Variants in DUS2 observed in about 807,000 individuals in gnomAD.
The protein encoded by DUS2 is dihydrouridine synthase 2.
Under a neutral mutation model 71.3 loss-of-function variants are expected in DUS2, and 52 were observed. That is an observed-to-expected ratio of 0.73 (90% CI 0.58 to 0.92). The LOEUF is 0.92. DUS2 is among the 40% of genes least tolerant of loss of function. The probability of loss-of-function intolerance (pLI) is 0.00; values close to 1 mark genes in which losing one functional copy is unlikely to be tolerated. For synonymous variants in DUS2, 204 were observed against 227.8 expected (o/e 0.90, Z 0.94); for missense variants, 558 against 622.6 (o/e 0.90, Z 1.10).
At chr16:68,048,373 C>T (rs1428736752) in intron 3 of DUS2, among the ~76,000 whole-genome samples, 1 of 152,158 alleles carries the variant, frequency 6.6e-6, no homozygotes, top group Non-Finnish European at 1.5e-5. Context: ...TTGCCTTCCC[C>T]TGCAACTAGG....
intron 3 of DUS2, among the ~76,000 whole-genome samples, chr16:68,040,032 G>A (rs1273374997): frequency 1.3e-5 from 2 of 152,094 alleles, no homozygotes; most frequent in Admixed American, 6.6e-5. Context: ...TTCATTTGGG[G>A]GATTTGGCGT....
At chr16:68,029,505 G>C (rs2033406629) in intron 2 of DUS2, among the ~76,000 whole-genome samples, 2 of 151,928 alleles carry the variant, frequency 1.3e-5, no homozygotes, top group Non-Finnish European at 2.9e-5. Context: ...GGAGTGCAGT[G>C]ATACGATCTT....
At chr16:68,047,539 A>G (rs1046024342) in intron 3 of DUS2, among the ~76,000 whole-genome samples, 1 of 150,248 alleles carries the variant, frequency 6.7e-6, no homozygotes, top group Non-Finnish European at 1.5e-5. Context: ...TCTGGAGTGC[A>G]ATGGCGCAAT....
intron 3 of DUS2, 119 bp from the exon 4 acceptor site, chr16:68,049,386 G>C: frequency 2.0e-6 from 2 of 1,008,946 alleles, no homozygotes; most frequent in Non-Finnish European, 3.1e-6. Context: ...AAAAGCCGTG[G>C]TTTGTTCTTG....
chr16:68,053,240 C>T (rs1259767447), intron 4 of DUS2, among the ~76,000 whole-genome samples: 2 of 152,200 alleles, frequency 1.3e-5, no homozygotes, highest in African/African-American at 2.4e-5. Context: ...GGATTACAGG[C>T]GTAAGCCACC....
intron 12 of DUS2, among the ~76,000 whole-genome samples, chr16:68,072,810 G>A (rs1484372497): frequency 1.3e-5 from 2 of 152,196 alleles, no homozygotes; most frequent in Admixed American, 1.3e-4. Flanking sequence ...GGTGTCCCAG[G>A]CAGTCAGTCA....
At position 68,078,501 on chromosome 16, in the gene DUS2, G is replaced by T; in HGVS notation, c.1227G>T (p.Lys409Asn). ...CTATTGTCACCGTTGCTGAACAAAAGTATCAGTCTACCTTGTGGTAAGTTT... is the reference window on the plus strand; with the variant it reads ...CTATTGTCACCGTTGCTGAACAAAATTATCAGTCTACCTTGTGGTAAGTTT... ...FSSIVTVAEQ[K>N]YQSTLWDKSK... is the part of the protein sequence containing the mutation. The change falls in exon 16 of 17, where the codon AAG becomes AAT. Residue 409 changes from lysine (K) to asparagine (N), a missense_variant. Coordinates refer to ENST00000565263, the MANE Select transcript of DUS2 (RefSeq NM_017803.5). The T allele has an allele frequency of 6.2e-7, 1 of 1,614,084 alleles. No individual in the cohort carries two copies. The highest frequency in any genetic ancestry group is 8.5e-7 in the Non-Finnish European group (1 of 1,180,036).
intron 5 of DUS2, chr16:68,053,868 T>G (rs973775883): frequency 3.1e-5 from 17 of 543,742 alleles, no homozygotes; most frequent in Non-Finnish European, 4.9e-5. Flanking sequence ...CACAGTCTTA[T>G]ATGTCTCTAG....
chr16:68,071,638 CTTT>C (rs377115620), intron 12 of DUS2, among the ~76,000 whole-genome samples: 9 of 135,406 alleles, frequency 6.6e-5, no homozygotes, highest in Admixed American at 7.5e-5. Context: ...TAGGGAATAG[CTTT>C]TTTTTTTTTT....
chr16:68,041,381 A>G (rs2033623135), intron 3 of DUS2, among the ~76,000 whole-genome samples: 2 of 152,186 alleles, frequency 1.3e-5, no homozygotes, highest in Admixed American at 1.3e-4. Flanking sequence ...GTTTCTTTTT[A>G]TAAGAATGGT....
At chr16:68,040,952 C>T (rs555204012) in intron 3 of DUS2, among the ~76,000 whole-genome samples, 42 of 152,238 alleles carry the variant, frequency 2.8e-4, no homozygotes, top group East Asian at 1.5e-3. Context: ...ACAAAGTCGC[C>T]GAGCGTGGTG....
At chr16:68,076,044 G>A (rs1175715881) in intron 14 of DUS2, among the ~76,000 whole-genome samples, 3 of 152,178 alleles carry the variant, frequency 2.0e-5, no homozygotes, top group Non-Finnish European at 4.4e-5. Flanking sequence ...TGTGGAGAGG[G>A]GGAGCAGGGT....
chr16:68,064,254 G>T (rs1042327774), intron 8 of DUS2, among the ~76,000 whole-genome samples: 1 of 152,210 alleles, frequency 6.6e-6, no homozygotes, highest in Non-Finnish European at 1.5e-5. Context: ...TCTCCCCAAA[G>T]ACTTGGATCT....
chr16:68,062,982 C>T (rs2033960763), intron 8 of DUS2, among the ~76,000 whole-genome samples: 1 of 152,138 alleles, frequency 6.6e-6, no homozygotes, highest in African/African-American at 2.4e-5. Flanking sequence ...AGAGGGGGCC[C>T]CAGCAGGGAG....
At chr16:68,074,194 C>A in intron 13 of DUS2, 39 bp downstream of exon 13, 1 of 1,611,758 alleles carries the variant, frequency 6.2e-7, no homozygotes. Flanking sequence ...TCCTTGTACG[C>A]ATTGCCCAAG....
At chr16:68,074,953 C>T (rs1239943285) in intron 13 of DUS2, among the ~76,000 whole-genome samples, 3 of 152,138 alleles carry the variant, frequency 2.0e-5, no homozygotes, top group Admixed American at 6.5e-5. Context: ...TGTGGCTGGG[C>T]GGGAAGTGGG....
chr16:68,032,425 A>G (rs1250329466), intron 2 of DUS2, among the ~76,000 whole-genome samples: 1 of 152,236 alleles, frequency 6.6e-6, no homozygotes, highest in Non-Finnish European at 1.5e-5. Flanking sequence ...GGATTGAACA[A>G]GAAACTACAG....
chr16:68,053,507 C>CT, intron 4 of DUS2, 57 bp from the exon 5 acceptor site: 1 of 1,541,872 alleles, frequency 6.5e-7, no homozygotes, highest in Non-Finnish European at 9.0e-7. Context: ...AGGGCTTAGG[C>CT]TAGCGTTGAA....
At chr16:68,056,914 TATA>T (rs926742638) in intron 7 of DUS2, among the ~76,000 whole-genome samples, 15 of 143,308 alleles carry the variant, frequency 1.0e-4, no homozygotes, top group African/African-American at 3.8e-4. Context: ...ATTTATTCTA[TATA>T]ATATAATAAT....
Sources: allele counts gnomAD v4.1 joint callset (sites outside exome capture counted in the v4.1 genomes callset), GRCh38; gene constraint gnomAD v4.1.1; transcripts MANE v1.5; gene names NCBI Gene and HGNC (gene_info 2026-07-23, HGNC 2026-07-21).